Variants in CDH18 observed in about 807,000 individuals in gnomAD.
CDH18 encodes cadherin 18, also known as cadherin-18.
CDH18 carries 31 observed loss-of-function variants against 67.9 expected under a neutral mutation model. That is an observed-to-expected ratio of 0.46 (90% CI 0.34 to 0.62). The LOEUF is 0.62. Among genes scored for constraint, CDH18 ranks in the 20% least tolerant of loss-of-function variants. The pLI is 0.01. For synonymous variants in CDH18, 362 were observed against 347.2 expected, an observed-to-expected ratio of 1.04 and a Z score of -0.48; for missense variants, 890 against 975.5, an observed-to-expected ratio of 0.91 and a Z score of 1.17.
At chr5:19,592,897 C>G (rs1317891362) in intron 6 of CDH18, among the ~76,000 whole-genome samples, 1 of 151,946 alleles carries the variant, frequency 6.6e-6, no homozygotes. Context: ...TTAGATACCT[C>G]ATCTGCTTGA....
rs532170289 is a variant in CDH18, at chr5:19,677,247, T to C, written c.643+44100A>G. ...TACAAGCCAGAAGCGATTGGGGATGTGTTTTCAGTATTCTTAAAGAAAAGA... is the reference window on the plus strand; with the variant it reads ...TACAAGCCAGAAGCGATTGGGGATGCGTTTTCAGTATTCTTAAAGAAAAGA... On this transcript the variant is annotated intron_variant, in intron 5 of 12. Transcript: ENST00000382275. Among the ~76,000 whole-genome samples the C allele has an allele frequency of 5.3e-5, 8 of 152,194 alleles. No individual in the cohort carries two copies. The East Asian group carries it at 1.5e-3, about 29-fold the overall frequency.
intron 2 of CDH18, among the ~76,000 whole-genome samples, chr5:20,029,425 C>A (rs1257845653): frequency 2.6e-5 from 4 of 152,138 alleles, no homozygotes; most frequent in Non-Finnish European, 4.4e-5. Flanking sequence ...TTGTAACATT[C>A]TCATTAGAAC....
rs1231699745 is a variant in CDH18, at chr5:20,305,707, C to G, written c.-579-50202G>C. 9.8e-6 allele frequency: 4 copies of G among 406,272 alleles called. No homozygotes were observed. The Admixed American group carries it at 1.6e-4, about 16-fold the overall frequency. 25.2% of individuals were successfully genotyped at this position (406,272 alleles called of 1,614,324 possible). On this transcript the variant is annotated intron_variant, in intron 1 of 14. Coordinates refer to the CDH18 transcript ENST00000507958. ...TGTGTTCGGCAGCGAGGCGGCGAGA[C>G]GCGCCGGTTCAGCCGGAGACCGCTG...
At chr5:19,941,762 G>C (rs1487355110) in intron 2 of CDH18, among the ~76,000 whole-genome samples, 1 of 151,914 alleles carries the variant, frequency 6.6e-6, no homozygotes, top group African/African-American at 2.4e-5. Flanking sequence ...ACACCATCCT[G>C]GGTGACAGAG....
chr5:20,009,859 T>G (rs1344905335), intron 2 of CDH18, among the ~76,000 whole-genome samples: 1 of 152,140 alleles, frequency 6.6e-6, no homozygotes, highest in African/African-American at 2.4e-5. Flanking sequence ...TACTCCATTC[T>G]GGAAGATACA....
At chr5:19,530,925 C>T (rs1748506128) in intron 9 of CDH18, among the ~76,000 whole-genome samples, 1 of 152,194 alleles carries the variant, frequency 6.6e-6, no homozygotes, top group Non-Finnish European at 1.5e-5. Flanking sequence ...ATGCCTCGCC[C>T]TGCTTCGGCT....
chr5:19,620,967 A>G (rs1750596659), intron 5 of CDH18, among the ~76,000 whole-genome samples: 1 of 152,144 alleles, frequency 6.6e-6, no homozygotes, highest in Non-Finnish European at 1.5e-5. Flanking sequence ...GTTGCATCAT[A>G]ATAAACCCAT....
chr5:19,615,752 G>T (rs1294255228), intron 5 of CDH18, among the ~76,000 whole-genome samples: 1 of 151,938 alleles, frequency 6.6e-6, no homozygotes, highest in Non-Finnish European at 1.5e-5. Flanking sequence ...CCATAGTTTT[G>T]CCTATTTCAA....
intron 5 of CDH18, among the ~76,000 whole-genome samples, chr5:19,713,235 T>G (rs1017254381): frequency 6.6e-6 from 1 of 152,086 alleles, no homozygotes; most frequent in Non-Finnish European, 1.5e-5. Flanking sequence ...TTGACCAACA[T>G]TGATTCTTAT....
At position 19,473,408 on chromosome 5, in the gene CDH18, G is replaced by A. The variant is rs1329318172; in HGVS notation, c.2191C>T (p.Pro731Ser). The A allele has an allele frequency of 1.2e-6, 2 of 1,613,700 alleles. No individual in the cohort carries two copies. Among genetic ancestry groups the A allele is most frequent in the South Asian group, 1.1e-5 (1 of 91,080 alleles). ...GCATAAGTCTGAAGAGAGTCATAAG[G>A]GGGAACGCTAGGGTCTAGGTCTGCT... ...AEADLDPSVP[P>S]YDSLQTYAYE... is the part of the protein sequence containing the mutation. The change falls in exon 13 of 13, where the codon CCT becomes TCT. Residue 731 changes from proline (P) to serine (S), a missense_variant. By Grantham distance (74) the Pro-to-Ser change is moderately conservative. Around this residue, in one of 2 missense-constraint regions of CDH18, gnomAD observed 656 missense variants for 668.1 expected, o/e 0.98. Coordinates refer to ENST00000382275, the MANE Select transcript of CDH18 (RefSeq NM_004934.5).
chr5:19,954,852 GAA>G (rs201885867), intron 2 of CDH18, among the ~76,000 whole-genome samples: 1 of 144,400 alleles, frequency 6.9e-6, no homozygotes. Flanking sequence ...ACAATCTCAG[GAA>G]AAAAAAAAAG....
At chr5:19,576,053 G>A (rs1009198311) in intron 7 of CDH18, among the ~76,000 whole-genome samples, 1 of 152,084 alleles carries the variant, frequency 6.6e-6, no homozygotes, top group South Asian at 2.1e-4. Flanking sequence ...GGCAAGCAGA[G>A]CTACAGACTC....
Position 20,147,621 on chromosome 5 carries a change from T to C in CDH18, c.-518+107823A>G, listed in dbSNP as rs144335662. Reference sequence around the variant, plus strand: ...GCAACTTGTAGATTTTGAAAAATTTTGCTTTTGTTTCTATTTTCATTTTCT... The same window carrying C: ...GCAACTTGTAGATTTTGAAAAATTTCGCTTTTGTTTCTATTTTCATTTTCT... On this transcript the variant is annotated intron_variant, in intron 2 of 14. Transcript: ENST00000507958. Among the ~76,000 whole-genome samples the C allele has an allele frequency of 4.4e-3, 669 of 152,294 alleles. 4 individuals carry two copies. The highest frequency in any genetic ancestry group is 0.016 in the African/African-American group (646 of 41,576).
chr5:19,893,257 T>C (rs1267450860), intron 2 of CDH18, among the ~76,000 whole-genome samples: 3 of 152,190 alleles, frequency 2.0e-5, no homozygotes, highest in Non-Finnish European at 4.4e-5. Context: ...AGCAGCCTGA[T>C]TGTACTAAGC....
chr5:20,346,210 A>C (rs1277732420), intron 1 of CDH18, among the ~76,000 whole-genome samples: 1 of 152,316 alleles, frequency 6.6e-6, no homozygotes, highest in South Asian at 2.1e-4. Flanking sequence ...GAGACTAACA[A>C]CATGGAACAC....
intron 2 of CDH18, among the ~76,000 whole-genome samples, chr5:19,870,699 G>C (rs961430528): frequency 6.6e-6 from 1 of 152,082 alleles, no homozygotes; most frequent in African/African-American, 2.4e-5. Context: ...ATGCTTAAAG[G>C]TCTAGGCAAA....
At chr5:20,451,876 A>G (rs1750475125) in intron 1 of CDH18, among the ~76,000 whole-genome samples, 1 of 152,218 alleles carries the variant, frequency 6.6e-6, no homozygotes, top group Non-Finnish European at 1.5e-5. Flanking sequence ...CTAATGTTTT[A>G]TAACACAAAG....
chr5:20,161,766 G>A (rs1045946388), intron 2 of CDH18, among the ~76,000 whole-genome samples: 5 of 152,020 alleles, frequency 3.3e-5, no homozygotes, highest in African/African-American at 9.7e-5. Flanking sequence ...ACTTATCAAC[G>A]GAAATTCTTT....
chr5:19,935,545 C>T (rs772127287), intron 2 of CDH18, among the ~76,000 whole-genome samples: 11 of 151,070 alleles, frequency 7.3e-5, no homozygotes, highest in African/African-American at 1.5e-4. Context: ...AGGAGGAATA[C>T]GCAATACGTT....
Sources: gnomAD v4.1 joint callset for allele counts (sites outside exome capture counted in the v4.1 genomes callset) on GRCh38, gnomAD v4.1.1 for gene constraint, gnomAD v4.1.1 regional missense constraint, MANE v1.5 for transcripts, NCBI Gene and HGNC (gene_info 2026-07-23, HGNC 2026-07-21) for gene names.